Variants in DNAH14 observed in about 807,000 individuals in gnomAD.
DNAH14 encodes the protein dynein axonemal heavy chain 14.
Under a neutral mutation model 520.9 loss-of-function variants are expected in DNAH14, and 478 were observed. The ratio of observed to expected loss-of-function variants is 0.92; its 90% CI spans 0.85 to 0.99. The LOEUF is 0.99. Among genes scored for constraint, DNAH14 ranks in the 50% least tolerant of loss-of-function variants. The probability of loss-of-function intolerance (pLI) is 0.00; values close to 1 mark genes in which losing one functional copy is unlikely to be tolerated. For synonymous variants in DNAH14, 1,581 were observed against 1,757.2 expected (o/e 0.90, Z 2.51); for missense variants, 4,831 against 5,234.5 (o/e 0.92, Z 2.38).
intron 27 of DNAH14, among the ~76,000 whole-genome samples, chr1:225,127,210 G>C (rs1311091295): frequency 6.7e-6 from 1 of 150,142 alleles, no homozygotes; most frequent in African/African-American, 2.5e-5. Context: ...GAGTTCTGTA[G>C]ATGTCTATTA....
At chr1:225,342,641 T>TC (rs2095212528) in intron 69 of DNAH14, among the ~76,000 whole-genome samples, 1 of 151,756 alleles carries the variant, frequency 6.6e-6, no homozygotes, top group Non-Finnish European at 1.5e-5. Context: ...AATTTACTAG[T>TC]CACTTAAAAC....
chr1:225,351,808 G>A lies in DNAH14; in HGVS notation c.11458G>A (p.Val3820Ile), dbSNP rs976716706. 6 of 1,551,148 alleles carry A rather than the reference G, an allele frequency of 3.9e-6. No homozygotes were observed. The African/African-American group carries it at 8.2e-5, about 21-fold the overall frequency. The change falls in exon 72 of 86, where the codon GTT becomes ATT. Residue 3820 changes from valine to isoleucine, a missense_variant. By Grantham distance (29) the Val-to-Ile change is conservative. Coordinates refer to ENST00000682510, the MANE Select transcript of DNAH14 (RefSeq NM_001367479.1). ...GGATACTTTTAAGAACAGTAAAGCA[G>A]TTTATTCTCTGATCAGCACACCTTT... ...QWDTFKNSKA[V>I]YSLISTPFSS... is the part of the protein sequence containing the mutation.
rs540550631 is a variant in DNAH14 at position 224,972,452 on chromosome 1, T to C, written c.768-1639T>C. 2.0e-5 allele frequency among the ~76,000 whole-genome samples: 3 copies of C among 148,992 alleles called. No individual in the cohort carries two copies. In the South Asian group the frequency reaches 6.4e-4, roughly 32 times the overall value. Reference sequence around the variant, plus strand: ...CCAAGTAGCTGGGACTACAGATGCCTACCACCGCACCTGGCTAATTTTTTT... The same window carrying C: ...CCAAGTAGCTGGGACTACAGATGCCCACCACCGCACCTGGCTAATTTTTTT... On this transcript the variant is annotated intron_variant, in intron 7 of 85. Transcript: ENST00000682510.
intron 36 of DNAH14, among the ~76,000 whole-genome samples, chr1:225,174,240 A>G (rs1033649943): frequency 2.0e-5 from 3 of 152,036 alleles, no homozygotes; most frequent in African/African-American, 7.3e-5. Context: ...GTGCACATGT[A>G]CCCTAAAACT....
chr1:225,392,003 G>T (rs1188463570), intron 83 of DNAH14, among the ~76,000 whole-genome samples: 1 of 152,082 alleles, frequency 6.6e-6, no homozygotes, highest in African/African-American at 2.4e-5. Context: ...AAATGGAGAG[G>T]GTCTCAGAAT....
In DNAH14 at chr1:225,086,287, G is replaced by A. The variant is rs542245065; in HGVS notation, c.3573+498G>A. ...AGCTGGGACTACAGGTGCCCGCCACGACGCCCGGCTAATTGTTTGTATTTT... is the reference window on the plus strand; with the variant it reads ...AGCTGGGACTACAGGTGCCCGCCACAACGCCCGGCTAATTGTTTGTATTTT... On this transcript the variant is annotated intron_variant, in intron 21 of 85. Coordinates refer to ENST00000682510, the MANE Select transcript of DNAH14 (RefSeq NM_001367479.1). Among the ~76,000 whole-genome samples, 110 of 128,982 alleles carry A rather than the reference G, an allele frequency of 8.5e-4. No individual in the cohort carries two copies. In the Middle Eastern group the frequency reaches 0.019, roughly 22 times the overall value. The allele number at this position is 128,982 out of a possible 152,430, so 84.6% of individuals were successfully genotyped here. A position where few individuals can be genotyped will look rare whatever the true frequency, so the allele number is the denominator to read the frequency against.
chr1:225,333,463 C>G lies in DNAH14; in HGVS notation c.10037C>G (p.Ser3346Cys). The change falls in exon 66 of 86, where the codon TCT (serine) becomes TGT (cysteine). Residue 3346 changes from serine to cysteine, a missense_variant. Physicochemically the swap from Ser to Cys is moderately radical, Grantham distance 112. Transcript: ENST00000682510. ...TGCATTGAAAATGGCATTTCTTTGT[C>G]TTCCAAATTCTCTTTAATTAAAGTT... The part of the protein sequence containing the change: ...TFCIENGISL[S>C]SKFSLIKVMA... 2 of 1,551,104 alleles carry G rather than the reference C, an allele frequency of 1.3e-6. No homozygotes were observed. Among genetic ancestry groups the G allele is most frequent in the Non-Finnish European group, 8.7e-7 (1 of 1,146,710 alleles).
chr1:224,998,155 C>T (rs986167908), intron 8 of DNAH14, among the ~76,000 whole-genome samples: 2 of 152,034 alleles, frequency 1.3e-5, no homozygotes, highest in African/African-American at 4.8e-5. Flanking sequence ...ATTCCTGTTC[C>T]TGATACTTTG....
rs569470752 is a variant in DNAH14 at position 225,340,787 on chromosome 1, A to G, written c.10678+86A>G. The G allele has an allele frequency of 2.2e-6, 3 of 1,388,418 alleles. No homozygotes were observed. The African/African-American group carries it at 4.4e-5, about 20-fold the overall frequency. 86.0% of individuals were successfully genotyped at this position (1,388,418 alleles called of 1,614,324 possible). On this transcript the variant is annotated intron_variant, in intron 69 of 85. Transcript: ENST00000682510. ...AAGAACCAAATTTTGAATTTGAGCCAAAAATACCAAATCTCCATTTCCACC... is the reference window on the plus strand; with the variant it reads ...AAGAACCAAATTTTGAATTTGAGCCGAAAATACCAAATCTCCATTTCCACC...
At chr1:225,226,061 C>T (rs186315419) in intron 41 of DNAH14, among the ~76,000 whole-genome samples, 1 of 152,318 alleles carries the variant, frequency 6.6e-6, no homozygotes, top group African/African-American at 2.4e-5. Context: ...TTCTGTTGTA[C>T]ATTGCAACTC....
chr1:225,317,280 C>T (rs2094484534), intron 60 of DNAH14, among the ~76,000 whole-genome samples: 1 of 152,070 alleles, frequency 6.6e-6, no homozygotes, highest in Non-Finnish European at 1.5e-5. Context: ...ACAAGAGCCA[C>T]TTCATTACTT....
intron 2 of DNAH14, 101 bp downstream of exon 2, chr1:224,952,880 C>G: frequency 3.8e-6 from 3 of 782,250 alleles, no homozygotes; most frequent in Non-Finnish European, 5.7e-6. Context: ...CTTAAAATAT[C>G]TTATCAGAAT....
intron 49 of DNAH14, 21 bp downstream of exon 49, chr1:225,266,790 T>G (rs2093134888): frequency 6.8e-7 from 1 of 1,463,704 alleles, no homozygotes; most frequent in Non-Finnish European, 9.0e-7. Context: ...TACTAAGATT[T>G]TGTTCACATT....
At chr1:225,121,851 A>C (rs993268749) in intron 26 of DNAH14, among the ~76,000 whole-genome samples, 16 of 151,686 alleles carry the variant, frequency 1.1e-4, no homozygotes, top group African/African-American at 3.9e-4. Context: ...AAATTAAATA[A>C]ATAAATAAAT....
chr1:225,175,355 G>A (rs1056851464), intron 36 of DNAH14, among the ~76,000 whole-genome samples: 23 of 152,010 alleles, frequency 1.5e-4, no homozygotes, highest in Non-Finnish European at 2.9e-4. Flanking sequence ...TCTTTTCTTC[G>A]TAATTCAATC....
chr1:225,178,259 GA>G (rs962453333), intron 36 of DNAH14, among the ~76,000 whole-genome samples: 31 of 152,284 alleles, frequency 2.0e-4, no homozygotes, highest in African/African-American at 7.5e-4. Context: ...AGACTGGGAA[GA>G]AAAAGAGATT....
intron 61 of DNAH14, among the ~76,000 whole-genome samples, chr1:225,322,224 G>A (rs1290084563): frequency 1.3e-5 from 2 of 150,392 alleles, no homozygotes; most frequent in Admixed American, 6.7e-5. Context: ...CAAGTAGCTG[G>A]GACTACAGGC....
chr1:225,093,819 A>G (rs1215618683), intron 21 of DNAH14, among the ~76,000 whole-genome samples: 1 of 152,184 alleles, frequency 6.6e-6, no homozygotes, highest in Non-Finnish European at 1.5e-5. Flanking sequence ...AAAAATCAGT[A>G]GCATTTCTAT....
chr1:225,376,316 A>G (rs544640353), intron 78 of DNAH14, among the ~76,000 whole-genome samples: 2 of 152,258 alleles, frequency 1.3e-5, no homozygotes, highest in East Asian at 3.9e-4. Context: ...AGTCCTAGCT[A>G]CATGGGAGGC....
Sources: allele counts gnomAD v4.1 joint callset (sites outside exome capture counted in the v4.1 genomes callset), GRCh38; gene constraint gnomAD v4.1.1; transcripts MANE v1.5; gene names NCBI Gene and HGNC (gene_info 2026-07-23, HGNC 2026-07-21).